ADGRV1: variants seen among roughly 807,000 people sequenced by gnomAD.
ADGRV1 encodes the protein G-protein coupled receptor 98.
A neutral mutation model predicts 596.2 loss-of-function variants in ADGRV1; 359 were observed. The ratio of observed to expected loss-of-function variants is 0.60; its 90% CI spans 0.55 to 0.66. The LOEUF is 0.66. Among genes scored for constraint, ADGRV1 ranks in the 30% least tolerant of loss-of-function variants. The probability of loss-of-function intolerance (pLI) is 0.00; values close to 1 mark genes in which losing one functional copy is unlikely to be tolerated. For missense variants in ADGRV1, 7,274 were observed against 7,575.6 expected, an observed-to-expected ratio of 0.96 and a Z score of 1.48; for synonymous variants, 2,681 against 2,679.2, an observed-to-expected ratio of 1.00 and a Z score of -0.02.
chr5:90,606,155 T>C (rs1762087098), intron 1 of ADGRV1, among the ~76,000 whole-genome samples: 1 of 152,168 alleles, frequency 6.6e-6, no homozygotes, highest in African/African-American at 2.4e-5. Flanking sequence ...TCTTAAAAAA[T>C]AATCAGACGT....
Position 90,725,234 on chromosome 5 carries a change from TA to T in ADGRV1, c.10053+7del. On this transcript the variant is annotated splice_donor_region_variant and intron_variant, in intron 47 of 89. Transcript: ENST00000405460. ...ACATCTGGATTTAAATTATTCCTGGTAAAAACATTTTCATTTTTAAATAGAT... is the reference window on the plus strand; with the variant it reads ...ACATCTGGATTTAAATTATTCCTGGTAAAACATTTTCATTTTTAAATAGAT... 1 of 1,396,312 alleles carries T rather than the reference TA, an allele frequency of 7.2e-7. No individual in the cohort carries two copies. Among genetic ancestry groups the T allele is most frequent in the Non-Finnish European group, 9.6e-7 (1 of 1,043,158 alleles). 86.5% of individuals were successfully genotyped at this position (1,396,312 alleles called of 1,614,324 possible). A position where few individuals can be genotyped will look rare whatever the true frequency, so the allele number is the denominator to read the frequency against.
At chr5:90,629,698 T>G in intron 9 of ADGRV1, 159 bp downstream of exon 9, 3 of 578,744 alleles carry the variant, frequency 5.2e-6, no homozygotes, top group Non-Finnish European at 9.1e-6. Flanking sequence ...AGATTATGCC[T>G]GCTCCTAAGG....
chr5:90,572,354 G>A (rs557747911), intron 1 of ADGRV1, among the ~76,000 whole-genome samples: 29 of 152,114 alleles, frequency 1.9e-4, no homozygotes, highest in African/African-American at 6.7e-4. Context: ...AAGCAGGTTT[G>A]ATGTCAATAA....
At position 90,728,942 on chromosome 5, in the gene ADGRV1, ATAAAG is replaced by A. The variant is rs1489892001; in HGVS notation, c.10426+12_10426+16del. On this transcript the variant is annotated intron_variant, in intron 49 of 89. Transcript: ENST00000405460. ...CGAAAATGTCTTTCTAGGTGAGAAG[ATAAAG>A]TATTTGTAGTGTATATATAATTATT... is the stretch of plus-strand genomic sequence containing the variant. 1 of 1,576,598 alleles carries A rather than the reference ATAAAG, an allele frequency of 6.3e-7. No individual in the cohort carries two copies. The highest frequency in any genetic ancestry group is 1.7e-5 in the Admixed American group (1 of 59,538).
At chr5:91,008,411 T>C (rs1782459463) in intron 85 of ADGRV1, among the ~76,000 whole-genome samples, 2 of 152,192 alleles carry the variant, frequency 1.3e-5, no homozygotes, top group Admixed American at 1.3e-4. Flanking sequence ...TGAATAATAA[T>C]AAAATGTAGC....
At chr5:90,940,569 G>A (rs556175372) in intron 83 of ADGRV1, among the ~76,000 whole-genome samples, 1 of 152,202 alleles carries the variant, frequency 6.6e-6, no homozygotes, top group South Asian at 2.1e-4. Context: ...TTTTTTTCAG[G>A]TAACCAGGTC....
rs200242856 is a variant in ADGRV1 at position 91,153,198 on chromosome 5, T to C, written c.18625-23T>C. The stretch of plus-strand genomic sequence containing the variant: ...ATGCATTCATATTATGGTTTCTTTT[T>C]CCCCCCATCCCAATCTAAAAAGGTG... On this transcript the variant is annotated intron_variant, in intron 88 of 89. Coordinates refer to ENST00000405460, the MANE Select transcript of ADGRV1 (RefSeq NM_032119.4). 70 of 1,583,128 alleles carry C rather than the reference T, an allele frequency of 4.4e-5. No homozygotes were observed. The East Asian group carries it at 6.7e-4, about 15-fold the overall frequency.
Position 90,783,917 on chromosome 5 carries a change from A to T in ADGRV1, c.13513A>T (p.Ile4505Phe). The T allele has an allele frequency of 6.2e-7, 1 of 1,612,520 alleles. No homozygotes were observed. Among genetic ancestry groups the T allele is most frequent in the Non-Finnish European group, 8.5e-7 (1 of 1,179,330 alleles). ...AVLGRHLVSR[I>F]IIAKSDSPFG... ...CCTTGGGCGCCACCTAGTGAGCAGA[A>T]TCATAATAGCTAAGAGTGACTCTCC... Residue 4505 changes from isoleucine to phenylalanine, a missense_variant, in exon 67 of 90, where the codon ATC (isoleucine) becomes TTC (phenylalanine). Ile to Phe is a conservative substitution (Grantham distance 21). This residue lies in a region of ADGRV1 where 3,643 missense variants were observed against 3,809.2 expected (regional missense o/e 0.96). Transcript: ENST00000405460.
intron 83 of ADGRV1, among the ~76,000 whole-genome samples, chr5:90,944,908 G>C (rs902978268): frequency 3.3e-5 from 5 of 152,008 alleles, no homozygotes; most frequent in African/African-American, 1.2e-4. Context: ...ACATGATTTT[G>C]TTTGTATTTA....
chr5:90,867,251 T>A (rs1277229608), intron 83 of ADGRV1, among the ~76,000 whole-genome samples: 1 of 152,166 alleles, frequency 6.6e-6, no homozygotes, highest in African/African-American at 2.4e-5. Flanking sequence ...TGATTAATAA[T>A]ACTTAACAAG....
chr5:90,578,948 G>A (rs1018723239), intron 1 of ADGRV1, among the ~76,000 whole-genome samples: 3 of 151,840 alleles, frequency 2.0e-5, no homozygotes, highest in South Asian at 2.1e-4. Context: ...CTGTGGGATC[G>A]GTGGTGATAT....
intron 83 of ADGRV1, among the ~76,000 whole-genome samples, chr5:90,916,721 C>T (rs1471938887): frequency 1.4e-5 from 2 of 148,066 alleles, no homozygotes; most frequent in East Asian, 3.9e-4. Flanking sequence ...CAAGCTCCGC[C>T]TCCCGGGTTC....
intron 77 of ADGRV1, among the ~76,000 whole-genome samples, chr5:90,834,401 C>T (rs975636262): frequency 1.3e-5 from 2 of 152,062 alleles, no homozygotes; most frequent in South Asian, 4.1e-4. Flanking sequence ...AGGATATTTT[C>T]GCTTGATATA....
intron 74 of ADGRV1, among the ~76,000 whole-genome samples, chr5:90,812,739 A>G (rs188078435): frequency 1.1e-4 from 17 of 152,218 alleles, no homozygotes; most frequent in Admixed American, 1.1e-3. Context: ...TCCTGTTTCT[A>G]CAGTTTATGA....
intron 83 of ADGRV1, among the ~76,000 whole-genome samples, chr5:90,903,848 A>T (rs1024255140): frequency 6.6e-6 from 1 of 152,008 alleles, no homozygotes; most frequent in Non-Finnish European, 1.5e-5. Flanking sequence ...TGTGCTGTCA[A>T]ATACTAGGTC....
intron 84 of ADGRV1, among the ~76,000 whole-genome samples, chr5:90,981,501 TG>T (rs1176985650): frequency 6.6e-6 from 1 of 152,132 alleles, no homozygotes; most frequent in Non-Finnish European, 1.5e-5. Context: ...CTCTAGTACT[TG>T]GGTTTCCTCC....
intron 1 of ADGRV1, among the ~76,000 whole-genome samples, chr5:90,602,735 G>A (rs1489371048): frequency 1.3e-5 from 2 of 152,214 alleles, no homozygotes; most frequent in Non-Finnish European, 2.9e-5. Context: ...AGCTAAAAAC[G>A]AAGAAAACTG....
Position 90,615,018 on chromosome 5 carries a change from C to A in ADGRV1, c.206C>A (p.Ser69Ter). Residue 69 changes from serine to a stop codon, truncating the protein, a stop_gained and splice_region_variant, in exon 2 of 90, where the codon TCG (serine) becomes TAG (stop). Transcript: ENST00000405460. LOFTEE classifies it high-confidence loss of function. Reference sequence around the variant, plus strand: ...CCAGCAAATGTTACTGCAATTGTATCGGTAAGAAATTATTATAGCTCTATT... The same window carrying A: ...CCAGCAAATGTTACTGCAATTGTATAGGTAAGAAATTATTATAGCTCTATT... ...GEPANVTAIV[S>*]LYGEDAGDFF... is the part of the protein sequence containing the mutation. 7.1e-7 allele frequency: 1 copy of A among 1,406,208 alleles called. No individual in the cohort carries two copies. The highest frequency in any genetic ancestry group is 9.4e-7 in the Non-Finnish European group (1 of 1,068,062). 87.1% of individuals were successfully genotyped at this position (1,406,208 alleles called of 1,614,324 possible). A position where few individuals can be genotyped will look rare whatever the true frequency, so the allele number is the denominator to read the frequency against.
At chr5:90,731,744 A>T (rs1252311915) in intron 50 of ADGRV1, among the ~76,000 whole-genome samples, 1 of 152,202 alleles carries the variant, frequency 6.6e-6, no homozygotes, top group East Asian at 1.9e-4. Flanking sequence ...GCCTCAAATC[A>T]TCCAGCAGTT....
Sources: allele counts gnomAD v4.1 joint callset (sites outside exome capture counted in the v4.1 genomes callset), GRCh38; gene constraint gnomAD v4.1.1; regional missense constraint gnomAD v4.1.1; transcripts MANE v1.5; gene names NCBI Gene and HGNC (gene_info 2026-07-23, HGNC 2026-07-21).